RAB38: variants seen among roughly 807,000 people sequenced by gnomAD.
The protein encoded by RAB38 is ras-related protein Rab-38.
RAB38 carries 15 observed loss-of-function variants against 18.4 expected under a neutral mutation model. The ratio of observed to expected loss-of-function variants is 0.82; its 90% CI spans 0.55 to 1.26. RAB38 has a LOEUF of 1.26. Ranked by LOEUF, RAB38 falls within the 50% of genes most tolerant of loss-of-function variation. The pLI is 0.00. For missense variants in RAB38, 294 were observed against 267.4 expected (o/e 1.10, Z -0.69); for synonymous variants, 101 against 104.4 (o/e 0.97, Z 0.20).
the RAB38 span, among the ~76,000 whole-genome samples, chr11:88,045,510 C>T: frequency 8.5e-5 from 13 of 152,182 alleles, no homozygotes; most frequent in East Asian, 1.9e-4. Context: ...GCCCGCAGCC[C>T]GGGATTCCTC....
chr11:88,107,494 G>A, the RAB38 span, among the ~76,000 whole-genome samples: 1 of 151,784 alleles, frequency 6.6e-6, no homozygotes, highest in East Asian at 1.9e-4. Context: ...TATACTAAGT[G>A]TTTTACATGT....
chr11:88,165,368 T>G (rs558177614), intron 1 of RAB38, among the ~76,000 whole-genome samples: 1 of 152,234 alleles, frequency 6.6e-6, no homozygotes, highest in Admixed American at 6.5e-5. Context: ...TTCTCCCATC[T>G]CTATAGTAGG....
chr11:87,976,284 A>C, the RAB38 span, among the ~76,000 whole-genome samples: 67 of 144,790 alleles, frequency 4.6e-4, no homozygotes, highest in African/African-American at 1.6e-3. Flanking sequence ...GTGTATATAT[A>C]TATATACATA....
the RAB38 span, among the ~76,000 whole-genome samples, chr11:87,880,483 T>A: frequency 0.034 from 5,240 of 151,920 alleles, 234 homozygotes; most frequent in Admixed American, 0.13. Flanking sequence ...GACAGTAATA[T>A]GAAAAAGAAA....
the RAB38 span, among the ~76,000 whole-genome samples, chr11:88,027,363 C>A: frequency 2.6e-5 from 4 of 152,106 alleles, no homozygotes; most frequent in African/African-American, 7.2e-5. Context: ...GAGTGCCAGA[C>A]AGTGGGCGCA....
the RAB38 span, among the ~76,000 whole-genome samples, chr11:88,030,737 T>C: frequency 2.0e-5 from 3 of 152,154 alleles, no homozygotes; most frequent in East Asian, 3.8e-4. Context: ...CAATAATCTA[T>C]AGCTTACCAA....
chr11:87,810,140 A>C, the RAB38 span, among the ~76,000 whole-genome samples: 1 of 152,184 alleles, frequency 6.6e-6, no homozygotes, highest in African/African-American at 2.4e-5. Flanking sequence ...AGGGGAAAGT[A>C]GACTTTACTT....
the RAB38 span, among the ~76,000 whole-genome samples, chr11:87,963,185 C>T: frequency 2.0e-5 from 3 of 152,128 alleles, no homozygotes; most frequent in African/African-American, 7.2e-5. Flanking sequence ...CCAACTCACA[C>T]ATATAATACA....
chr11:87,905,914 C>G, the RAB38 span, among the ~76,000 whole-genome samples: 25 of 151,972 alleles, frequency 1.6e-4, no homozygotes, highest in South Asian at 4.6e-3. Flanking sequence ...ACATTATGTC[C>G]AAAACATTAT....
At chr11:87,935,859 G>T in the RAB38 span, among the ~76,000 whole-genome samples, 1 of 152,142 alleles carries the variant, frequency 6.6e-6, no homozygotes, top group Non-Finnish European at 1.5e-5. Context: ...ACTTAGAATT[G>T]ATTTTTATTC....
At chr11:88,047,990 G>A in the RAB38 span, among the ~76,000 whole-genome samples, 8 of 152,160 alleles carry the variant, frequency 5.3e-5, no homozygotes, top group East Asian at 1.4e-3. Context: ...CCACTAGTCC[G>A]TCTCTTAGAA....
chr11:88,142,758 G>T, intron 2 of RAB38, among the ~76,000 whole-genome samples: 1 of 152,184 alleles, frequency 6.6e-6, no homozygotes, highest in East Asian at 1.9e-4. Context: ...CCCATACAGC[G>T]TGACCAACAT....
chr11:87,915,417 G>A, the RAB38 span, among the ~76,000 whole-genome samples: 1 of 152,062 alleles, frequency 6.6e-6, no homozygotes, highest in Non-Finnish European at 1.5e-5. Flanking sequence ...CTGACCTCTG[G>A]TCATTCTCAC....
At chr11:88,140,145 C>A (rs540007357) in intron 2 of RAB38, among the ~76,000 whole-genome samples, 1 of 152,252 alleles carries the variant, frequency 6.6e-6, no homozygotes, top group Non-Finnish European at 1.5e-5. Flanking sequence ...CAGTTGAGGG[C>A]CCAAGGCAAG....
chr11:88,036,437 T>C, the RAB38 span, among the ~76,000 whole-genome samples: 5 of 152,170 alleles, frequency 3.3e-5, no homozygotes, highest in African/African-American at 4.8e-5. Context: ...TACAATACCA[T>C]AGCATTTGTC....
chr11:87,860,290 T>C, the RAB38 span, among the ~76,000 whole-genome samples: 7 of 151,956 alleles, frequency 4.6e-5, no homozygotes, highest in Non-Finnish European at 1.0e-4. Flanking sequence ...TTGTATTGGC[T>C]TAGGAAAAAA....
the RAB38 span, among the ~76,000 whole-genome samples, chr11:87,969,991 A>C: frequency 6.6e-6 from 1 of 152,090 alleles, no homozygotes. Flanking sequence ...ATAAACAAGT[A>C]AGTCAGGTTC....
the RAB38 span, among the ~76,000 whole-genome samples, chr11:87,902,374 G>A: frequency 2.0e-5 from 3 of 151,528 alleles, no homozygotes; most frequent in Non-Finnish European, 4.4e-5. Context: ...CTCTCCCATT[G>A]AATTGTTTTG....
chr11:88,124,526 CTCA>C (rs1011068487), intron 2 of RAB38, among the ~76,000 whole-genome samples: 16 of 151,062 alleles, frequency 1.1e-4, no homozygotes, highest in Non-Finnish European at 1.9e-4. Flanking sequence ...TGAAAAAATG[CTCA>C]TCATCACTGG....
Sources: gnomAD v4.1 joint callset for allele counts (sites outside exome capture counted in the v4.1 genomes callset) on GRCh38, gnomAD v4.1.1 for gene constraint, MANE v1.5 for transcripts, NCBI Gene and HGNC (gene_info 2026-07-23, HGNC 2026-07-21) for gene names.